TBCK: variants seen among roughly 807,000 people sequenced by gnomAD.
The protein encoded by TBCK is TBC1 domain containing kinase.
Under a neutral mutation model 113.4 loss-of-function variants are expected in TBCK, and 99 were observed. That is an observed-to-expected ratio of 0.87 (90% CI 0.74 to 1.03). The LOEUF (loss-of-function observed/expected upper bound fraction) is 1.03. Ranked by LOEUF, TBCK falls within the 50% of genes least tolerant of loss-of-function variation. The probability of loss-of-function intolerance (pLI) is 0.00; values close to 1 mark genes in which losing one functional copy is unlikely to be tolerated. For synonymous variants in TBCK, 369 were observed against 370.8 expected (o/e 1.00, Z 0.05); for missense variants, 1,045 against 1,061.3 (o/e 0.98, Z 0.21).
intron 23 of TBCK, among the ~76,000 whole-genome samples, chr4:106,140,202 A>G (rs1323085716): frequency 1.4e-5 from 2 of 141,074 alleles, no homozygotes; most frequent in Admixed American, 7.0e-5. Context: ...GTTATGGGCA[A>G]TATTTATTGT....
chr4:106,173,163 G>A (rs1259668123), intron 22 of TBCK, among the ~76,000 whole-genome samples: 1 of 152,086 alleles, frequency 6.6e-6, no homozygotes, highest in Non-Finnish European at 1.5e-5. Context: ...AGTGAAACAA[G>A]CTTTGAGGCA....
At chr4:106,078,648 A>G (rs942317588) in intron 25 of TBCK, among the ~76,000 whole-genome samples, 1 of 152,042 alleles carries the variant, frequency 6.6e-6, no homozygotes, top group African/African-American at 2.4e-5. Flanking sequence ...TAAAAAGCCT[A>G]CCAACCAAAA....
intron 23 of TBCK, among the ~76,000 whole-genome samples, chr4:106,166,879 A>T (rs1477980519): frequency 6.6e-6 from 1 of 151,464 alleles, no homozygotes; most frequent in Non-Finnish European, 1.5e-5. Context: ...TAAACACTCA[A>T]ATACAGAAAA....
intron 3 of TBCK, among the ~76,000 whole-genome samples, chr4:106,266,509 A>C (rs1763008284): frequency 6.6e-6 from 1 of 151,904 alleles, no homozygotes. Context: ...TCTACTCTCT[A>C]TACTGTGCTT....
chr4:106,235,865 ATGT>A (rs1160175892), intron 14 of TBCK, among the ~76,000 whole-genome samples: 3 of 152,048 alleles, frequency 2.0e-5, no homozygotes, highest in Non-Finnish European at 2.9e-5. Context: ...AAGGCAACAG[ATGT>A]TGTTAAGGTT....
intron 11 of TBCK, 35 bp from the exon 12 acceptor site, chr4:106,242,604 A>C: frequency 7.0e-7 from 1 of 1,434,900 alleles, no homozygotes; most frequent in Non-Finnish European, 9.6e-7. Flanking sequence ...TATGTACACA[A>C]AATCCAGTTT....
intron 24 of TBCK, among the ~76,000 whole-genome samples, chr4:106,107,455 A>G (rs2149544694): frequency 6.6e-6 from 1 of 152,320 alleles, no homozygotes; most frequent in East Asian, 1.9e-4. Context: ...CCACAGCAAA[A>G]TAAAAATAGA....
At chr4:106,109,213 TAC>T (rs1244217043) in intron 24 of TBCK, among the ~76,000 whole-genome samples, 1 of 152,024 alleles carries the variant, frequency 6.6e-6, no homozygotes, top group African/African-American at 2.4e-5. Context: ...CAAAGCAATA[TAC>T]AGTTTCAATG....
chr4:106,247,207 C>G lies in TBCK; in HGVS notation c.863G>C (p.Ser288Thr), dbSNP rs1411471023. Residue 288 changes from serine (S) to threonine (T), a missense_variant, in exon 10 of 26, where the codon AGT becomes ACT. Ser to Thr is a moderately conservative substitution (Grantham distance 58, BLOSUM62 1). Transcript: ENST00000394708. ...PLYTPFTKPA[S>T]LFSSSLRCAD... ...ACATCTCAGAGAAGATGAAAACAGA[C>G]TGGCAGGTTTGGTAAAGGGGGTATA... The G allele has an allele frequency of 6.2e-7, 1 of 1,613,288 alleles. No individual in the cohort carries two copies. The highest frequency in any genetic ancestry group is 1.3e-5 in the African/African-American group (1 of 74,860).
At chr4:106,228,170 G>A (rs888390214) in intron 19 of TBCK, among the ~76,000 whole-genome samples, 3 of 151,914 alleles carry the variant, frequency 2.0e-5, no homozygotes, top group Admixed American at 1.3e-4. Flanking sequence ...GACATGCAAT[G>A]CATAATCTCA....
chr4:106,171,027 A>G, intron 23 of TBCK, 68 bp downstream of exon 23: 1 of 1,248,574 alleles, frequency 8.0e-7, no homozygotes, highest in Non-Finnish European at 1.1e-6. Context: ...CAATAAAGAT[A>G]CTAGGGTATA....
chr4:106,072,375 G>A (rs1227707508), intron 25 of TBCK, among the ~76,000 whole-genome samples: 1 of 152,136 alleles, frequency 6.6e-6, no homozygotes, highest in Admixed American at 6.5e-5. Flanking sequence ...GGCTGGATAT[G>A]AAATTCTGGG....
At chr4:106,186,723 T>C (rs1409120911) in intron 22 of TBCK, among the ~76,000 whole-genome samples, 1 of 152,210 alleles carries the variant, frequency 6.6e-6, no homozygotes, top group African/African-American at 2.4e-5. Context: ...GTGCAGAAGC[T>C]TAAAGAGCTT....
At chr4:106,070,357 T>G (rs2149475488) in intron 25 of TBCK, among the ~76,000 whole-genome samples, 1 of 152,342 alleles carries the variant, frequency 6.6e-6, no homozygotes, top group African/African-American at 2.4e-5. Context: ...TGAAGGGCTG[T>G]TGAATTTTGT....
intron 22 of TBCK, among the ~76,000 whole-genome samples, chr4:106,181,960 G>C (rs1001575334): frequency 1.3e-5 from 2 of 152,164 alleles, no homozygotes; most frequent in African/African-American, 4.8e-5. Flanking sequence ...ACTTTGGGCA[G>C]TAAGGCTATT....
intron 2 of TBCK, among the ~76,000 whole-genome samples, chr4:106,301,892 A>G (rs1766986377): frequency 6.6e-6 from 1 of 152,194 alleles, no homozygotes; most frequent in Non-Finnish European, 1.5e-5. Flanking sequence ...GTATTACACC[A>G]TTGAAAAATA....
chr4:106,165,014 AG>A (rs1381923365), intron 23 of TBCK, among the ~76,000 whole-genome samples: 1 of 151,744 alleles, frequency 6.6e-6, no homozygotes, highest in East Asian at 1.9e-4. Flanking sequence ...ATCTTGGGTT[AG>A]TATATGTATT....
intron 23 of TBCK, among the ~76,000 whole-genome samples, chr4:106,127,022 A>G (rs1745297672): frequency 6.6e-6 from 1 of 152,076 alleles, no homozygotes; most frequent in African/African-American, 2.4e-5. Context: ...ATTCTGGCCA[A>G]CGTGGTGAAA....
intron 23 of TBCK, among the ~76,000 whole-genome samples, chr4:106,122,174 A>G (rs1363752137): frequency 6.6e-6 from 1 of 151,614 alleles, no homozygotes; most frequent in African/African-American, 2.4e-5. Flanking sequence ...TAGACACAAT[A>G]AAAAATGATA....
Sources: allele counts gnomAD v4.1 joint callset (sites outside exome capture counted in the v4.1 genomes callset), GRCh38; gene constraint gnomAD v4.1.1; transcripts MANE v1.5; gene names NCBI Gene and HGNC (gene_info 2026-07-23, HGNC 2026-07-21).